The following TASP1 variants were observed in gnomAD, a reference collection of about 807,000 sequenced individuals.
The protein encoded by TASP1 is taspase 1, also known as threonine aspartase 1.
In TASP1, 16 loss-of-function variants were observed where a neutral mutation model predicts 56.6. That is an observed-to-expected ratio of 0.28 (90% CI 0.19 to 0.43). TASP1 has a LOEUF of 0.43. Ranked by LOEUF, TASP1 falls within the 20% of genes least tolerant of loss-of-function variation. The probability of loss-of-function intolerance (pLI) is 1.00; values close to 1 mark genes in which losing one functional copy is unlikely to be tolerated. For missense variants in TASP1, 393 were observed against 511.6 expected, an observed-to-expected ratio of 0.77 and a Z score of 2.24; for synonymous variants, 179 against 184.2, an observed-to-expected ratio of 0.97 and a Z score of 0.23.
At chr20:13,435,018 A>T (rs1433285944) in intron 12 of TASP1, 26 bp downstream of exon 12, 25 of 1,504,166 alleles carry the variant, frequency 1.7e-5, no homozygotes, top group Non-Finnish European at 2.2e-5. Context: ...ATAGAAAGAC[A>T]CACACAATGT....
the TASP1 span, among the ~76,000 whole-genome samples, chr20:13,143,157 C>G: frequency 2.0e-5 from 3 of 152,102 alleles, no homozygotes; most frequent in African/African-American, 7.2e-5. Flanking sequence ...GAGGACATGT[C>G]TTGGGCACCA....
chr20:13,450,690 G>C (rs1480073982), intron 11 of TASP1, among the ~76,000 whole-genome samples: 1 of 152,058 alleles, frequency 6.6e-6, no homozygotes, highest in Non-Finnish European at 1.5e-5. Flanking sequence ...CAAGTCTACA[G>C]TTACTTCCTC....
At chr20:13,199,519 C>A in the TASP1 span, among the ~76,000 whole-genome samples, 8 of 152,116 alleles carry the variant, frequency 5.3e-5, no homozygotes, top group Non-Finnish European at 1.0e-4. Context: ...CATACATAAA[C>A]CTGTTTATCT....
the TASP1 span, among the ~76,000 whole-genome samples, chr20:13,125,999 C>T: frequency 6.6e-6 from 1 of 152,182 alleles, no homozygotes; most frequent in Non-Finnish European, 1.5e-5. Context: ...TTCAACTTCT[C>T]TCTTCTGCCA....
At chr20:13,456,203 C>T (rs1484954707) in intron 11 of TASP1, among the ~76,000 whole-genome samples, 1 of 152,076 alleles carries the variant, frequency 6.6e-6, no homozygotes, top group Admixed American at 6.6e-5. Flanking sequence ...TTTGGGGATG[C>T]TAAAGACATT....
At chr20:13,123,720 C>T in the TASP1 span, among the ~76,000 whole-genome samples, 21 of 152,182 alleles carry the variant, frequency 1.4e-4, no homozygotes, top group Non-Finnish European at 2.2e-4. Context: ...AATTTTAGGA[C>T]AGGCCCATGC....
the TASP1 span, among the ~76,000 whole-genome samples, chr20:13,142,222 TG>T: frequency 6.6e-6 from 1 of 152,238 alleles, no homozygotes; most frequent in South Asian, 2.1e-4. Flanking sequence ...TAGATGGCAC[TG>T]GGGCAAAAGA....
the TASP1 span, chr20:13,244,230 A>G: frequency 6.6e-6 from 1 of 152,182 alleles, no homozygotes; most frequent in African/African-American, 2.4e-5. Context: ...TCAAACTAAA[A>G]GTCTACAAGA....
At chr20:13,452,428 A>AAAAAAAC (rs139997009) in intron 11 of TASP1, among the ~76,000 whole-genome samples, 1 of 151,030 alleles carries the variant, frequency 6.6e-6, no homozygotes, top group Admixed American at 6.6e-5. Flanking sequence ...AAAAAAAAAA[A>AAAAAAAC]TTCCTGAAAA....
At chr20:13,433,403 G>A (rs530723704) in intron 12 of TASP1, among the ~76,000 whole-genome samples, 1 of 151,184 alleles carries the variant, frequency 6.6e-6, no homozygotes, top group South Asian at 2.1e-4. Context: ...CAACGATTAA[G>A]ACACCAAAGA....
At chr20:13,413,306 T>C (rs1419416619) in intron 13 of TASP1, among the ~76,000 whole-genome samples, 1 of 152,188 alleles carries the variant, frequency 6.6e-6, no homozygotes, top group Admixed American at 6.5e-5. Context: ...CATTACCATG[T>C]GTCAGAGTAT....
chr20:13,234,674 G>A, the TASP1 span, among the ~76,000 whole-genome samples: 1 of 152,148 alleles, frequency 6.6e-6, no homozygotes, highest in Non-Finnish European at 1.5e-5. Context: ...GTATCTCATT[G>A]TGGTTTTAAT....
chr20:13,323,798 G>T, the TASP1 span, among the ~76,000 whole-genome samples: 17,920 of 152,150 alleles, frequency 0.12, 1,519 homozygotes, highest in Non-Finnish European at 0.18. Flanking sequence ...TGAAATGAAG[G>T]CTTCTTTATG....
chr20:13,234,696 T>G, the TASP1 span, among the ~76,000 whole-genome samples: 1 of 152,230 alleles, frequency 6.6e-6, no homozygotes, highest in Non-Finnish European at 1.5e-5. Context: ...TTTATTTCTC[T>G]GATAATTAGT....
intron 10 of TASP1, among the ~76,000 whole-genome samples, chr20:13,483,738 A>T (rs534613995): frequency 6.6e-6 from 1 of 152,354 alleles, no homozygotes; most frequent in South Asian, 2.1e-4. Flanking sequence ...TTTTCAGGAC[A>T]TAGGCATGGG....
At chr20:13,131,708 G>A in the TASP1 span, among the ~76,000 whole-genome samples, 2 of 152,126 alleles carry the variant, frequency 1.3e-5, no homozygotes, top group African/African-American at 4.8e-5. Context: ...TCCTGGAGTA[G>A]CCTCCTGAAT....
At chr20:13,589,800 G>A (rs1219040786) in intron 4 of TASP1, among the ~76,000 whole-genome samples, 1 of 152,096 alleles carries the variant, frequency 6.6e-6, no homozygotes, top group Non-Finnish European at 1.5e-5. Flanking sequence ...AAAAGAATAT[G>A]AATTAACATT....
At chr20:13,266,737 C>T in the TASP1 span, among the ~76,000 whole-genome samples, 4 of 152,230 alleles carry the variant, frequency 2.6e-5, no homozygotes, top group African/African-American at 9.6e-5. Context: ...CCAGACTTTC[C>T]TAAGGTATCA....
chr20:13,502,077 T>C (rs1199736497), intron 10 of TASP1, among the ~76,000 whole-genome samples: 1 of 151,878 alleles, frequency 6.6e-6, no homozygotes, highest in Non-Finnish European at 1.5e-5. Flanking sequence ...ATCAAATATA[T>C]AAAAATCATA....
Sources: allele counts gnomAD v4.1 joint callset (sites outside exome capture counted in the v4.1 genomes callset), GRCh38; gene constraint gnomAD v4.1.1; transcripts MANE v1.5; gene names NCBI Gene and HGNC (gene_info 2026-07-23, HGNC 2026-07-21).